The following HDAC9 variants were observed in gnomAD, a reference collection of about 807,000 sequenced individuals.
The protein encoded by HDAC9 is MEF-2 interacting transcription repressor (MITR) protein.
Under a neutral mutation model 139.4 loss-of-function variants are expected in HDAC9, and 41 were observed. The ratio of observed to expected loss-of-function variants is 0.29; its 90% CI spans 0.23 to 0.38. The LOEUF (loss-of-function observed/expected upper bound fraction) is 0.38. HDAC9 is among the 10% of genes least tolerant of loss of function. HDAC9 has a pLI of 1.00. For synonymous variants in HDAC9, 517 were observed against 476.2 expected, an observed-to-expected ratio of 1.09 and a Z score of -1.12; for missense variants, 1,147 against 1,297.0, an observed-to-expected ratio of 0.88 and a Z score of 1.78.
At chr7:18,425,404 T>C (rs532076010) in intron 1 of HDAC9, among the ~76,000 whole-genome samples, 38 of 152,322 alleles carry the variant, frequency 2.5e-4, no homozygotes, top group Admixed American at 2.1e-3. Context: ...AATGCAGAGC[T>C]GAAGGTGGCA....
At chr7:18,837,492 C>G (rs930234463) in intron 21 of HDAC9, among the ~76,000 whole-genome samples, 1 of 151,984 alleles carries the variant, frequency 6.6e-6, no homozygotes, top group South Asian at 2.1e-4. Context: ...TTGTCTGCCT[C>G]CCAAGTTAAC....
intron 1 of HDAC9, among the ~76,000 whole-genome samples, chr7:18,151,427 C>G (rs751052099): frequency 6.6e-6 from 1 of 152,166 alleles, no homozygotes; most frequent in Non-Finnish European, 1.5e-5. Context: ...AGTGAGTTAG[C>G]TTAATCAAGT....
chr7:18,990,934 G>C lies in HDAC9; in HGVS notation c.3171-5089G>C, dbSNP rs185993608. On this transcript the variant is annotated intron_variant, in intron 25 of 25. Transcript: ENST00000686413. ...ATGGAGCGCGCACCCACTGACCTGC[G>C]CCCACTGTCTGGCACTCCCTAGTGA... Among the ~76,000 whole-genome samples, 837 of 152,250 alleles carry C rather than the reference G, an allele frequency of 5.5e-3. 3 individuals carry two copies. Among genetic ancestry groups the C allele is most frequent in the Non-Finnish European group, 8.4e-3 (570 of 68,006 alleles).
At chr7:18,368,389 C>T (rs1366300642) in intron 1 of HDAC9, among the ~76,000 whole-genome samples, 1 of 151,868 alleles carries the variant, frequency 6.6e-6, no homozygotes, top group African/African-American at 2.4e-5. Context: ...CCTGACTAAC[C>T]GGTGATCGGC....
At chr7:18,749,549 C>A (rs1179292401) in intron 14 of HDAC9, among the ~76,000 whole-genome samples, 3 of 152,194 alleles carry the variant, frequency 2.0e-5, no homozygotes, top group Non-Finnish European at 4.4e-5. Flanking sequence ...AAAATATCAA[C>A]TGTCCTCTTA....
In HDAC9 at chr7:18,727,753, A is replaced by G; in HGVS notation, c.1905A>G (p.Ala635=). The change falls in exon 13 of 26, where the codon GCA becomes GCG. Residue 635 remains alanine, a synonymous_variant. Coordinates refer to ENST00000686413, the MANE Select transcript of HDAC9 (RefSeq NM_178425.4). ...AMDRPLQPGS[A]TGIAYDPLML... ...ACCGCCCCCTCCAGCCTGGCTCTGC[A>G]ACTGGTAGGAATCCCTAAAGACTCT... The G allele has an allele frequency of 1.3e-6, 2 of 1,519,092 alleles. No individual in the cohort carries two copies. The highest frequency in any genetic ancestry group is 1.4e-5 in the South Asian group (1 of 73,008). The allele number at this position is 1,519,092 out of a possible 1,614,324, so 94.1% of individuals were successfully genotyped here.
chr7:18,151,224 CA>C (rs1786756336), intron 1 of HDAC9, among the ~76,000 whole-genome samples: 1 of 152,174 alleles, frequency 6.6e-6, no homozygotes, highest in Non-Finnish European at 1.5e-5. Flanking sequence ...CTTTCTCACT[CA>C]GGGGGAATAG....
intron 1 of HDAC9, among the ~76,000 whole-genome samples, chr7:18,103,245 A>G (rs187360224): frequency 7.9e-5 from 12 of 152,316 alleles, no homozygotes; most frequent in African/African-American, 2.9e-4. Flanking sequence ...CTCCATCCTT[A>G]ACACATGGGG....
At chr7:18,131,296 T>A (rs1784985992) in intron 1 of HDAC9, among the ~76,000 whole-genome samples, 1 of 152,164 alleles carries the variant, frequency 6.6e-6, no homozygotes, top group African/African-American at 2.4e-5. Flanking sequence ...GCCCAATATT[T>A]GTTAGTATGA....
At chr7:18,760,392 AACTTTCCGATATTGAAT>A (rs1240088176) in intron 14 of HDAC9, among the ~76,000 whole-genome samples, 3 of 152,082 alleles carry the variant, frequency 2.0e-5, no homozygotes, top group African/African-American at 7.2e-5. Flanking sequence ...GTCTCCCATA[AACTTTCCGATATTGAAT>A]GTTTCCCAGC....
chr7:18,619,637 C>T (rs1281576597), intron 6 of HDAC9, among the ~76,000 whole-genome samples: 1 of 152,168 alleles, frequency 6.6e-6, no homozygotes, highest in Admixed American at 6.6e-5. Context: ...ATATTTGAGC[C>T]TGTCTACATT....
chr7:18,188,512 A>G (rs1323312261), intron 2 of HDAC9, among the ~76,000 whole-genome samples: 1 of 152,228 alleles, frequency 6.6e-6, no homozygotes, highest in African/African-American at 2.4e-5. Context: ...ATCTAATTAA[A>G]CTAAAGAGCT....
At chr7:18,427,070 C>T (rs1790181969) in intron 1 of HDAC9, among the ~76,000 whole-genome samples, 1 of 152,126 alleles carries the variant, frequency 6.6e-6, no homozygotes, top group Non-Finnish European at 1.5e-5. Flanking sequence ...TTTGATCCTT[C>T]ATACAATTAA....
At chr7:18,555,806 T>G (rs1008339802) in intron 2 of HDAC9, among the ~76,000 whole-genome samples, 1 of 152,134 alleles carries the variant, frequency 6.6e-6, no homozygotes, top group African/African-American at 2.4e-5. Flanking sequence ...GCTAAATTAA[T>G]TATTGTAGGT....
chr7:18,606,485 A>T (rs1835535901), intron 6 of HDAC9, among the ~76,000 whole-genome samples: 1 of 152,204 alleles, frequency 6.6e-6, no homozygotes, highest in South Asian at 2.1e-4. Flanking sequence ...TCATATGCTA[A>T]AAACTGAGAG....
At chr7:18,569,384 G>A (rs1823510425) in intron 2 of HDAC9, among the ~76,000 whole-genome samples, 1 of 152,104 alleles carries the variant, frequency 6.6e-6, no homozygotes, top group Admixed American at 6.5e-5. Flanking sequence ...TAAAAAATTA[G>A]GCAGGCTGGA....
At chr7:18,483,313 A>C (rs757792424) in intron 1 of HDAC9, among the ~76,000 whole-genome samples, 26 of 152,194 alleles carry the variant, frequency 1.7e-4, no homozygotes, top group Non-Finnish European at 3.4e-4. Context: ...ACATGTGCGA[A>C]AGCATTGATA....
intron 1 of HDAC9, chr7:18,458,706 G>T (rs972456686): frequency 1.5e-5 from 8 of 537,528 alleles, no homozygotes; most frequent in African/African-American, 1.1e-4. Context: ...GCAAAACTTC[G>T]ATTAATAAAT....
intron 1 of HDAC9, among the ~76,000 whole-genome samples, chr7:18,304,258 T>C (rs1409555111): frequency 6.6e-6 from 1 of 152,210 alleles, no homozygotes; most frequent in Non-Finnish European, 1.5e-5. Context: ...CTAGAAATTA[T>C]CTGGATTTTA....
Sources: gnomAD v4.1 joint callset for allele counts (sites outside exome capture counted in the v4.1 genomes callset) on GRCh38, gnomAD v4.1.1 for gene constraint, MANE v1.5 for transcripts, NCBI Gene and HGNC (gene_info 2026-07-23, HGNC 2026-07-21) for gene names.